The following PABPC4 variants were observed in gnomAD, a reference collection of about 807,000 sequenced individuals.
PABPC4 encodes the protein poly(A) binding protein cytoplasmic 4.
A neutral mutation model predicts 74.5 loss-of-function variants in PABPC4; 15 were observed. The ratio of observed to expected loss-of-function variants is 0.20; its 90% CI spans 0.13 to 0.31. The LOEUF (loss-of-function observed/expected upper bound fraction) is 0.31. Among genes scored for constraint, PABPC4 ranks in the 10% least tolerant of loss-of-function variants. The pLI is 1.00. For synonymous variants in PABPC4, 345 were observed against 303.0 expected, an observed-to-expected ratio of 1.14 and a Z score of -1.44; for missense variants, 610 against 853.5, an observed-to-expected ratio of 0.71 and a Z score of 3.55.
At chr1:39,566,757 C>G (rs573351135) in intron 7 of PABPC4, among the ~76,000 whole-genome samples, 8 of 152,240 alleles carry the variant, frequency 5.3e-5, no homozygotes, top group African/African-American at 1.9e-4. Flanking sequence ...TAACAAATGC[C>G]AACTTGACTA....
chr1:39,564,505 C>T lies in PABPC4; in HGVS notation c.1371G>A (p.Gly457=). 4.3e-6 allele frequency: 7 copies of T among 1,614,190 alleles called. No individual in the cohort carries two copies. Among genetic ancestry groups the T allele is most frequent in the Non-Finnish European group, 5.9e-6 (7 of 1,180,022 alleles). ...QGMPSAIRQS[G]PRPTLRHLAP... is the part of the protein sequence containing the mutation. ...CCAGATGGCGAAGAGTTGGACGAGG[C>T]CCAGACTGGCGTATAGCACTTGGCA... is the stretch of plus-strand genomic sequence containing the variant. Residue 457 remains glycine (G), a synonymous_variant, in exon 10 of 16, where the codon GGG becomes GGA. Transcript: ENST00000372858.
In PABPC4 at chr1:39,568,946, AG is replaced by A. The variant is rs773610961; in HGVS notation, c.739-8del. On this transcript the variant is annotated splice_region_variant and splice_polypyrimidine_tract_variant and intron_variant, in intron 5 of 15. Coordinates refer to ENST00000372858, the MANE Select transcript of PABPC4 (RefSeq NM_001135653.2). ...CATTCATCTCTTCCACAGCCTAGAGAGGAAAAATATGTCTTTAAAATAAAGT... is the reference window on the plus strand; with the variant it reads ...CATTCATCTCTTCCACAGCCTAGAGAGAAAAATATGTCTTTAAAATAAAGT... 6.2e-7 allele frequency: 1 copy of A among 1,605,516 alleles called. No homozygotes were observed. Among genetic ancestry groups the A allele is most frequent in the Non-Finnish European group, 8.5e-7 (1 of 1,177,300 alleles).
At chr1:39,568,058 C>T (rs1570385921) in intron 6 of PABPC4, 1 of 427,154 alleles carries the variant, frequency 2.3e-6, no homozygotes, top group East Asian at 4.9e-5. Flanking sequence ...GAGATCGAGA[C>T]CATCCTGGCT....
At chr1:39,575,735 C>A (rs375975019) in intron 1 of PABPC4, 24 bp downstream of exon 1, 1 of 1,533,082 alleles carries the variant, frequency 6.5e-7, no homozygotes, top group East Asian at 2.5e-5. Context: ...CTCCCACGCA[C>A]GTGTGGGCAC....
At position 39,576,402 on chromosome 1, in the gene PABPC4, G is replaced by C. The variant is rs1436716660; in HGVS notation, c.-451C>G. 1 of 152,260 alleles carries C rather than the reference G, an allele frequency of 6.6e-6. No homozygotes were observed. Among genetic ancestry groups the C allele is most frequent in the African/African-American group, 2.4e-5 (1 of 41,434 alleles). 9.4% of individuals were successfully genotyped at this position (152,260 alleles called of 1,614,324 possible). The stretch of plus-strand genomic sequence containing the variant: ...TAAGATTACAACCGCCGGGGCAGAG[G>C]GAAACCAAATCTTTGTGGGCGCCGA... On this transcript the variant is annotated 5_prime_UTR_variant, in exon 1 of 16. Transcript: ENST00000372858.
intron 5 of PABPC4, among the ~76,000 whole-genome samples, chr1:39,569,338 C>T (rs1645900793): frequency 6.6e-6 from 1 of 152,194 alleles, no homozygotes; most frequent in Non-Finnish European, 1.5e-5. Context: ...AGTTCTCTCA[C>T]CTTTGCAGCA....
rs1646026379 is a variant in PABPC4 at position 39,576,374 on chromosome 1, G to C, written c.-423C>G. ...TAAATATAGGCCTCGGGCTCCGGCG[G>C]TTTAAGATTACAACCGCCGGGGCAG... On this transcript the variant is annotated 5_prime_UTR_variant, in exon 1 of 16. Coordinates refer to ENST00000372858, the MANE Select transcript of PABPC4 (RefSeq NM_001135653.2). The C allele has an allele frequency of 6.5e-6, 1 of 154,210 alleles. No individual in the cohort carries two copies. 9.6% of individuals were successfully genotyped at this position (154,210 alleles called of 1,614,324 possible). A position where few individuals can be genotyped will look rare whatever the true frequency, so the allele number is the denominator to read the frequency against.
chr1:39,570,773 T>C, intron 3 of PABPC4: 1 of 170,446 alleles, frequency 5.9e-6, no homozygotes, highest in East Asian at 1.5e-4. Flanking sequence ...GAGTCATAAG[T>C]TAGAAAATGG....
chr1:39,565,378 C>T lies in PABPC4; in HGVS notation c.973G>A (p.Val325Ile). ...SPFGSITSAK[V>I]MLEDGRSKGF... ...TTGCTTCTTCCATCCTCCAGCATTA[C>T]CTACAAAATGAGACCAGCTACTTAA... The change falls in exon 8 of 16, where the codon GTA (valine) becomes ATA (isoleucine). Residue 325 changes from valine (V) to isoleucine (I), a missense_variant and splice_region_variant. By Grantham distance (29) the Val-to-Ile change is conservative (BLOSUM62 3). Coordinates refer to ENST00000372858, the MANE Select transcript of PABPC4 (RefSeq NM_001135653.2). The T allele has an allele frequency of 6.2e-7, 1 of 1,609,066 alleles. No homozygotes were observed. Among genetic ancestry groups the T allele is most frequent in the Non-Finnish European group, 8.5e-7 (1 of 1,176,984 alleles).
At chr1:39,571,033 C>T (rs1261843443) in intron 3 of PABPC4, 1 of 1,448,414 alleles carries the variant, frequency 6.9e-7, no homozygotes, top group East Asian at 2.5e-5. Context: ...CAGGCCATGG[C>T]TTGGGCAGGA....
intron 6 of PABPC4, chr1:39,568,109 T>A (rs1645878847): frequency 3.5e-6 from 1 of 282,070 alleles, no homozygotes; most frequent in Middle Eastern, 1.2e-3. Flanking sequence ...TACAAAAAAT[T>A]AGCCAGGCAT....
intron 13 of PABPC4, 43 bp downstream of exon 13, chr1:39,562,280 G>A: frequency 2.5e-6 from 4 of 1,610,790 alleles, no homozygotes; most frequent in Non-Finnish European, 3.4e-6. Context: ...GCTGGCATCA[G>A]GCTCTGGGAC....
chr1:39,561,343 A>G (rs145485972), intron 15 of PABPC4: 1 of 346,822 alleles, frequency 2.9e-6, no homozygotes, highest in East Asian at 7.2e-5. Context: ...GGCCCTTGAC[A>G]AGAGGGTCAT....
At chr1:39,568,573 G>A (rs1424995999) in intron 6 of PABPC4, 1 of 443,810 alleles carries the variant, frequency 2.3e-6, no homozygotes, top group East Asian at 3.7e-5. Context: ...ACAGGCTGAG[G>A]CTTCCAAAAT....
intron 7 of PABPC4, chr1:39,567,318 T>C (rs996697038): frequency 1.0e-5 from 5 of 498,960 alleles, no homozygotes; most frequent in African/African-American, 7.8e-5. Context: ...AAGACCAGGG[T>C]AGAAGTTCCC....
intron 10 of PABPC4, 198 bp from the exon 11 acceptor site, chr1:39,564,120 T>C: frequency 4.9e-6 from 3 of 614,654 alleles, no homozygotes; most frequent in Non-Finnish European, 8.5e-6. Context: ...TATACACTGT[T>C]TCCTTGTATT....
At chr1:39,574,926 C>A (rs1388300452) in intron 1 of PABPC4, among the ~76,000 whole-genome samples, 2 of 152,260 alleles carry the variant, frequency 1.3e-5, no homozygotes, top group African/African-American at 4.8e-5. Flanking sequence ...GAGCACTGTG[C>A]TGGGAGTCCT....
Position 39,572,501 on chromosome 1 carries a change from CAA to C in PABPC4, c.277_278del (p.Leu93GlufsTer19). On this transcript the variant is annotated frameshift_variant, in exon 2 of 16. Coordinates refer to ENST00000372858, the MANE Select transcript of PABPC4 (RefSeq NM_001135653.2). LOFTEE classifies it high-confidence loss of function. ...RIMWSQRDPS[L>X]RKSGVGNVFI... ...AGACGTTTCCCACACCAGATTTTCT[CAA>C]AGAGGGATCCCTCTGAGACCACATG... 6.2e-7 allele frequency: 1 copy of C among 1,614,072 alleles called. No individual in the cohort carries two copies. Among genetic ancestry groups the C allele is most frequent in the Non-Finnish European group, 8.5e-7 (1 of 1,179,934 alleles).
Position 39,575,972 on chromosome 1 carries a change from CGA to C in PABPC4, c.-23_-22del. ...TTCATCTCCCCGCCCCCCACCACCC[CGA>C]GCCCCGCCAGGAGGACTTCTTATCG... On this transcript the variant is annotated 5_prime_UTR_variant, in exon 1 of 16. Coordinates refer to ENST00000372858, the MANE Select transcript of PABPC4 (RefSeq NM_001135653.2). The C allele has an allele frequency of 6.8e-7, 1 of 1,469,768 alleles. No individual in the cohort carries two copies. The highest frequency in any genetic ancestry group is 9.1e-7 in the Non-Finnish European group (1 of 1,099,384). 91.0% of individuals were successfully genotyped at this position (1,469,768 alleles called of 1,614,324 possible).
Sources: allele counts gnomAD v4.1 joint callset (sites outside exome capture counted in the v4.1 genomes callset), GRCh38; gene constraint gnomAD v4.1.1; transcripts MANE v1.5; gene names NCBI Gene and HGNC (gene_info 2026-07-23, HGNC 2026-07-21).